The following ZFHX4 variants were observed in gnomAD, a reference collection of about 807,000 sequenced individuals.
ZFHX4 encodes zinc finger homeobox protein 4.
Under a neutral mutation model 267.6 loss-of-function variants are expected in ZFHX4, and 56 were observed. The ratio of observed to expected loss-of-function variants is 0.21; its 90% CI spans 0.17 to 0.26. The LOEUF is 0.26. Among genes scored for constraint, ZFHX4 ranks in the 10% least tolerant of loss-of-function variants. ZFHX4 has a pLI of 1.00. For synonymous variants in ZFHX4, 1,778 were observed against 1,665.6 expected, an observed-to-expected ratio of 1.07 and a Z score of -1.64; for missense variants, 4,332 against 4,420.0, an observed-to-expected ratio of 0.98 and a Z score of 0.56.
Position 76,704,669 on chromosome 8 carries a change from C to A in ZFHX4, c.581C>A (p.Thr194Asn). ...TCGTTCTACCCACAGATCATCAACA[C>A]TTTTCATATCGCTTCATCCCTCGGG... is the stretch of plus-strand genomic sequence containing the variant. Reference protein sequence around the residue: ...PMSFYPQIINTFHIASSLGKP... With the variant: ...PMSFYPQIINNFHIASSLGKP... Residue 194 changes from threonine to asparagine, a missense_variant, in exon 2 of 11, where the codon ACT (threonine) becomes AAT (asparagine). Around this residue, in one of 7 missense-constraint regions of ZFHX4, gnomAD observed 1,195 missense variants for 1,173.6 expected, o/e 1.02. Coordinates refer to ENST00000651372, the MANE Select transcript of ZFHX4 (RefSeq NM_024721.5). The A allele has an allele frequency of 1.2e-6, 2 of 1,614,044 alleles. No homozygotes were observed. Among genetic ancestry groups the A allele is most frequent in the African/African-American group, 1.3e-5 (1 of 75,068 alleles).
rs779570808 is a variant in ZFHX4, at chr8:76,854,359, A to T, written c.7438A>T (p.Thr2480Ser). ...TTCCAGTCCACTGCAAATTTCCATGACGTCTCTCCAGAACAGTCTACCTCC... is the reference window on the plus strand; with the variant it reads ...TTCCAGTCCACTGCAAATTTCCATGTCGTCTCTCCAGAACAGTCTACCTCC... ...VPSSPLQISM[T>S]SLQNSLPPQL... Residue 2480 changes from threonine (T) to serine (S), a missense_variant, in exon 10 of 11, where the codon ACG becomes TCG. Thr to Ser is a moderately conservative substitution (Grantham distance 58). Transcript: ENST00000651372. 6.2e-7 allele frequency: 1 copy of T among 1,613,788 alleles called. No individual in the cohort carries two copies.
rs2131991307 is a variant in ZFHX4, at chr8:76,866,561, G to T, written c.*1996G>T. On this transcript the variant is annotated 3_prime_UTR_variant, in exon 11 of 11. Coordinates refer to ENST00000651372, the MANE Select transcript of ZFHX4 (RefSeq NM_024721.5). ...ACATGGCCTCCTAAGGTGCAATCCT[G>T]CCGCTATAGTGAGCTAATGTCCTGA... 6.6e-6 allele frequency: 1 copy of T among 151,860 alleles called. No individual in the cohort carries two copies. The highest frequency in any genetic ancestry group is 2.4e-5 in the African/African-American group (1 of 41,282). The allele number at this position is 151,860 out of a possible 1,614,324, so 9.4% of individuals were successfully genotyped here.
chr8:76,704,615 A>G lies in ZFHX4; in HGVS notation c.527A>G (p.Lys176Arg). 2 of 1,614,030 alleles carry G rather than the reference A, an allele frequency of 1.2e-6. No homozygotes were observed. The highest frequency in any genetic ancestry group is 1.7e-6 in the Non-Finnish European group (2 of 1,179,892). ...FLDSLASAGE[K>R]SDQSASAPMS... is the part of the protein sequence containing the mutation. ...GACTCCCTGGCATCTGCTGGAGAGA[A>G]GAGTGATCAGTCTGCTTCTGCACCT... Residue 176 changes from lysine to arginine, a missense_variant, in exon 2 of 11, where the codon AAG becomes AGG. Around this residue, in one of 7 missense-constraint regions of ZFHX4, gnomAD observed 1,195 missense variants for 1,173.6 expected, o/e 1.02. Transcript: ENST00000651372.
At position 76,705,303 on chromosome 8, in the gene ZFHX4, A is replaced by G. The variant is rs1261064514; in HGVS notation, c.1215A>G (p.Glu405=). 3 of 1,613,920 alleles carry G rather than the reference A, an allele frequency of 1.9e-6. No individual in the cohort carries two copies. Among genetic ancestry groups the G allele is most frequent in the African/African-American group, 1.3e-5 (1 of 74,934 alleles). ...GGATTACCCAAATGCCAAAGGCTGA[A>G]GTGAATCTGGGGGGGCTGTCTAGTT... ...PLGITQMPKA[E]VNLGGLSSLV... The change falls in exon 2 of 11, where the codon GAA becomes GAG. Residue 405 remains glutamate, a synonymous_variant. Transcript: ENST00000651372.
intron 6 of ZFHX4, among the ~76,000 whole-genome samples, chr8:76,848,657 T>G (rs533705449): frequency 3.3e-5 from 5 of 152,308 alleles, no homozygotes; most frequent in African/African-American, 9.6e-5. Context: ...AATGATTTTT[T>G]AAGTTAGTAT....
At chr8:76,754,119 C>G (rs1365521313) in intron 3 of ZFHX4, among the ~76,000 whole-genome samples, 1 of 152,088 alleles carries the variant, frequency 6.6e-6, no homozygotes, top group Non-Finnish European at 1.5e-5. Flanking sequence ...GAAATGTGAA[C>G]AGTTATTCTT....
chr8:76,800,640 T>C (rs985251816), intron 4 of ZFHX4, among the ~76,000 whole-genome samples: 28 of 152,200 alleles, frequency 1.8e-4, no homozygotes, highest in Middle Eastern at 3.2e-3. Flanking sequence ...TTGCTTCTTG[T>C]GCTCCTTAAC....
At chr8:76,796,367 G>GT (rs1403064281) in intron 4 of ZFHX4, among the ~76,000 whole-genome samples, 1 of 152,094 alleles carries the variant, frequency 6.6e-6, no homozygotes, top group African/African-American at 2.4e-5. Context: ...ATGAATTGCA[G>GT]TTTTTTCACT....
At chr8:76,860,693 A>G (rs919268895) in intron 10 of ZFHX4, among the ~76,000 whole-genome samples, 1 of 152,148 alleles carries the variant, frequency 6.6e-6, no homozygotes, top group Non-Finnish European at 1.5e-5. Context: ...ATATTTTAGC[A>G]ATGCAAGTAA....
intron 4 of ZFHX4, among the ~76,000 whole-genome samples, chr8:76,798,136 C>T (rs1368297446): frequency 1.3e-5 from 2 of 152,078 alleles, no homozygotes; most frequent in African/African-American, 4.8e-5. Flanking sequence ...AGGAAGGGTA[C>T]ACAAAATCAT....
At chr8:76,694,932 T>C (rs973064681) in intron 1 of ZFHX4, among the ~76,000 whole-genome samples, 2 of 151,726 alleles carry the variant, frequency 1.3e-5, no homozygotes, top group African/African-American at 4.8e-5. Context: ...AGTCATCAGC[T>C]CATTTGTCAT....
chr8:76,824,057 G>T (rs576268230), intron 4 of ZFHX4, among the ~76,000 whole-genome samples: 1 of 152,112 alleles, frequency 6.6e-6, no homozygotes, highest in South Asian at 2.1e-4. Flanking sequence ...ATTGTATCCC[G>T]ATTTTACAGA....
intron 1 of ZFHX4, among the ~76,000 whole-genome samples, chr8:76,703,066 A>C (rs756880413): frequency 1.3e-5 from 2 of 152,060 alleles, no homozygotes; most frequent in African/African-American, 4.8e-5. Flanking sequence ...AGAAACTGAT[A>C]TGGCTTTTAT....
intron 4 of ZFHX4, 77 bp from the exon 5 acceptor site, chr8:76,833,261 G>T: frequency 7.8e-7 from 1 of 1,289,994 alleles, no homozygotes; most frequent in Non-Finnish European, 1.1e-6. Flanking sequence ...CCAAATTTTG[G>T]GTTCTTGTAA....
In ZFHX4 at chr8:76,795,728, C is replaced by T. The variant is rs956159268; in HGVS notation, c.3325+17289C>T. ...CGGCTAATCTTGTTTTTAGTAGAGA[C>T]GGGGTTTCTCCATGTTGAGACTGGT... On this transcript the variant is annotated intron_variant, in intron 4 of 10. Coordinates refer to ENST00000651372, the MANE Select transcript of ZFHX4 (RefSeq NM_024721.5). 5.9e-5 allele frequency among the ~76,000 whole-genome samples: 9 copies of T among 151,790 alleles called. No individual in the cohort carries two copies. The East Asian group carries it at 1.4e-3, about 23-fold the overall frequency.
intron 3 of ZFHX4, among the ~76,000 whole-genome samples, chr8:76,748,063 A>G (rs1439892607): frequency 1.3e-5 from 2 of 152,206 alleles, no homozygotes; most frequent in African/African-American, 4.8e-5. Context: ...TGTAATTTTA[A>G]AATGCTTTTA....
chr8:76,825,300 C>T (rs1367804520), intron 4 of ZFHX4, among the ~76,000 whole-genome samples: 2 of 152,232 alleles, frequency 1.3e-5, no homozygotes, highest in East Asian at 3.9e-4. Flanking sequence ...TTATTGTTTC[C>T]ACTTTCACAT....
intron 1 of ZFHX4, among the ~76,000 whole-genome samples, chr8:76,684,552 T>C (rs923999130): frequency 1.3e-5 from 2 of 152,146 alleles, no homozygotes; most frequent in African/African-American, 4.8e-5. Context: ...ATAGGGTCAA[T>C]GAAATATGGG....
chr8:76,785,851 T>C (rs1810673599), intron 4 of ZFHX4, among the ~76,000 whole-genome samples: 1 of 152,172 alleles, frequency 6.6e-6, no homozygotes. Context: ...TTGAATGTTC[T>C]CTACTTTCTT....
Sources: gnomAD v4.1 joint callset for allele counts (sites outside exome capture counted in the v4.1 genomes callset) on GRCh38, gnomAD v4.1.1 for gene constraint, gnomAD v4.1.1 regional missense constraint, MANE v1.5 for transcripts, NCBI Gene and HGNC (gene_info 2026-07-23, HGNC 2026-07-21) for gene names.